The following LUZP2 variants were observed in gnomAD, a reference collection of about 807,000 sequenced individuals.
LUZP2 encodes leucine zipper protein 2.
Under a neutral mutation model 51.6 loss-of-function variants are expected in LUZP2, and 52 were observed. The observed-to-expected ratio is 1.01, with a 90% CI of 0.81 to 1.27. LUZP2 has a LOEUF of 1.27. Among genes scored for constraint, LUZP2 ranks in the 50% most tolerant of loss-of-function variants. The probability of loss-of-function intolerance (pLI) is 0.00; values close to 1 mark genes in which losing one functional copy is unlikely to be tolerated. For synonymous variants in LUZP2, 154 were observed against 137.3 expected (o/e 1.12, Z -0.85); for missense variants, 436 against 395.4 (o/e 1.10, Z -0.87).
chr11:24,685,547 T>C (rs1856871434), intron 1 of LUZP2, among the ~76,000 whole-genome samples: 1 of 152,094 alleles, frequency 6.6e-6, no homozygotes, highest in Non-Finnish European at 1.5e-5. Context: ...GAACATTTAC[T>C]CCTCTCCCAC....
intron 1 of LUZP2, among the ~76,000 whole-genome samples, chr11:24,607,025 C>A (rs939886494): frequency 2.6e-5 from 4 of 151,746 alleles, no homozygotes; most frequent in African/African-American, 4.8e-5. Flanking sequence ...TGTACGACTT[C>A]CTTATATATT....
chr11:24,914,959 A>G (rs928809139), intron 7 of LUZP2, among the ~76,000 whole-genome samples: 1 of 152,192 alleles, frequency 6.6e-6, no homozygotes, highest in African/African-American at 2.4e-5. Context: ...ACTTGTATGT[A>G]ATATGCCAGT....
At chr11:24,830,155 T>A (rs1440208820) in intron 5 of LUZP2, among the ~76,000 whole-genome samples, 3 of 152,168 alleles carry the variant, frequency 2.0e-5, no homozygotes, top group Admixed American at 2.0e-4. Context: ...GTTTCTGAAC[T>A]ACTATGTAAA....
intron 1 of LUZP2, among the ~76,000 whole-genome samples, chr11:24,617,216 T>C (rs1004113170): frequency 6.5e-5 from 6 of 91,780 alleles, no homozygotes; most frequent in Non-Finnish European, 1.1e-4. Context: ...TGTTCACTGA[T>C]TTTTTTTTTC....
chr11:24,654,814 C>A (rs955126021), intron 1 of LUZP2, among the ~76,000 whole-genome samples: 8 of 148,668 alleles, frequency 5.4e-5, no homozygotes, highest in African/African-American at 2.0e-4. Context: ...CATGAGCCAC[C>A]GCGCCCGGCC....
At chr11:24,665,441 A>G (rs150480285) in intron 1 of LUZP2, among the ~76,000 whole-genome samples, 19 of 152,260 alleles carry the variant, frequency 1.2e-4, no homozygotes, top group African/African-American at 4.3e-4. Flanking sequence ...GAGACTGTTG[A>G]AAGGACAGAA....
intron 1 of LUZP2, among the ~76,000 whole-genome samples, chr11:24,601,552 T>A (rs1853637289): frequency 6.6e-6 from 1 of 151,902 alleles, no homozygotes; most frequent in African/African-American, 2.4e-5. Context: ...ACAAATACAT[T>A]TCTAATGAAG....
chr11:24,528,082 C>T (rs1414182560), intron 1 of LUZP2, among the ~76,000 whole-genome samples: 3 of 151,196 alleles, frequency 2.0e-5, no homozygotes, highest in Admixed American at 6.6e-5. Context: ...TCGATGTAGA[C>T]ATTTTTTTGA....
intron 1 of LUZP2, among the ~76,000 whole-genome samples, chr11:24,582,398 G>C (rs1852897212): frequency 7.4e-6 from 1 of 135,458 alleles, no homozygotes; most frequent in Admixed American, 8.4e-5. Context: ...GAGATGAATA[G>C]AAATAAAAAC....
At chr11:24,783,910 C>A (rs767569137) in intron 5 of LUZP2, among the ~76,000 whole-genome samples, 1 of 151,812 alleles carries the variant, frequency 6.6e-6, no homozygotes, top group Non-Finnish European at 1.5e-5. Flanking sequence ...ACCTTTGTTG[C>A]TGTTGCTGTT....
At chr11:24,507,667 A>G (rs1487203467) in intron 1 of LUZP2, among the ~76,000 whole-genome samples, 1 of 149,850 alleles carries the variant, frequency 6.7e-6, no homozygotes, top group East Asian at 2.0e-4. Context: ...AAGTTATATA[A>G]TAAAGAGGCA....
chr11:24,911,437 G>A (rs900512453), intron 6 of LUZP2, among the ~76,000 whole-genome samples: 7 of 152,116 alleles, frequency 4.6e-5, no homozygotes, highest in African/African-American at 1.7e-4. Context: ...CCTGGTGGGA[G>A]GTAATTGAAT....
chr11:24,544,757 G>C (rs1174675295), intron 1 of LUZP2, among the ~76,000 whole-genome samples: 1 of 152,106 alleles, frequency 6.6e-6, no homozygotes, highest in African/African-American at 2.4e-5. Flanking sequence ...TTGCCTGCAT[G>C]TGTCTTTATG....
chr11:24,944,683 T>C (rs1854852595), intron 7 of LUZP2, among the ~76,000 whole-genome samples: 1 of 152,054 alleles, frequency 6.6e-6, no homozygotes. Context: ...TTGGGGAAGG[T>C]TCTTCGGGAG....
At chr11:25,042,659 A>G (rs1445657207) in intron 9 of LUZP2, among the ~76,000 whole-genome samples, 2 of 152,114 alleles carry the variant, frequency 1.3e-5, no homozygotes, top group African/African-American at 4.8e-5. Flanking sequence ...CCAGGACTAT[A>G]CTTCCTCTAG....
At chr11:25,022,918 TG>T (rs1379203046) in intron 9 of LUZP2, among the ~76,000 whole-genome samples, 1 of 152,200 alleles carries the variant, frequency 6.6e-6, no homozygotes. Flanking sequence ...ATGTGATTTT[TG>T]TCTTTGGTTC....
chr11:24,523,615 T>C (rs1341024594), intron 1 of LUZP2, among the ~76,000 whole-genome samples: 1 of 151,280 alleles, frequency 6.6e-6, no homozygotes, highest in Non-Finnish European at 1.5e-5. Flanking sequence ...TACATTTAGA[T>C]TGACTATTTA....
chr11:25,076,799 T>C (rs1247245124), intron 10 of LUZP2, among the ~76,000 whole-genome samples: 1 of 149,804 alleles, frequency 6.7e-6, no homozygotes, highest in Admixed American at 6.7e-5. Flanking sequence ...TTTAAACTGG[T>C]GAAGCTAATA....
At chr11:24,517,581 A>G (rs1850515695) in intron 1 of LUZP2, among the ~76,000 whole-genome samples, 1 of 147,766 alleles carries the variant, frequency 6.8e-6, no homozygotes. Flanking sequence ...ATTTTTTCAT[A>G]TATCTAAATA....
Sources: gnomAD v4.1 joint callset for allele counts (sites outside exome capture counted in the v4.1 genomes callset) on GRCh38, gnomAD v4.1.1 for gene constraint, MANE v1.5 for transcripts, NCBI Gene and HGNC (gene_info 2026-07-23, HGNC 2026-07-21) for gene names.